GLP2R: variants seen among roughly 807,000 people sequenced by gnomAD.
GLP2R encodes the protein glucagon like peptide 2 receptor, also known as glucagon-like peptide 2 receptor.
Under a neutral mutation model 68.2 loss-of-function variants are expected in GLP2R, and 59 were observed. The observed-to-expected ratio is 0.87, with a 90% confidence interval of 0.70 to 1.07. GLP2R has a LOEUF of 1.07. GLP2R is among the 50% of genes least tolerant of loss of function. The pLI is 0.00. For synonymous variants in GLP2R, 270 were observed against 265.4 expected, an observed-to-expected ratio of 1.02 and a Z score of -0.17; for missense variants, 548 against 677.4, an observed-to-expected ratio of 0.81 and a Z score of 2.12.
intron 1 of GLP2R, among the ~76,000 whole-genome samples, chr17:9,828,301 C>T (rs1053984687): frequency 6.6e-6 from 1 of 152,238 alleles, no homozygotes; most frequent in Non-Finnish European, 1.5e-5. Context: ...AGGAAGGTGG[C>T]CCTGGCCTGC....
intron 4 of GLP2R, among the ~76,000 whole-genome samples, chr17:9,852,242 C>A (rs1393504588): frequency 2.6e-5 from 4 of 152,002 alleles, no homozygotes; most frequent in Non-Finnish European, 4.4e-5. Flanking sequence ...CCCTGACAGG[C>A]CCCCGTGTGT....
intron 2 of GLP2R, among the ~76,000 whole-genome samples, chr17:9,835,239 G>A (rs1369655028): frequency 6.6e-6 from 1 of 152,034 alleles, no homozygotes; most frequent in African/African-American, 2.4e-5. Flanking sequence ...ATGTTGGCCA[G>A]GATGGTCTCG....
chr17:9,863,907 T>G (rs1597393569), intron 9 of GLP2R, among the ~76,000 whole-genome samples: 1 of 152,158 alleles, frequency 6.6e-6, no homozygotes, highest in Non-Finnish European at 1.5e-5. Flanking sequence ...ACATATTCAG[T>G]GCACACTCAT....
intron 1 of GLP2R, among the ~76,000 whole-genome samples, chr17:9,827,944 G>T (rs1443603052): frequency 7.0e-6 from 1 of 142,924 alleles, no homozygotes; most frequent in East Asian, 2.1e-4. Context: ...CTGGGCAGTA[G>T]AGTGAGGATC....
At position 9,861,082 on chromosome 17, in the gene GLP2R, G is replaced by A. The variant is rs1597392192; in HGVS notation, c.926-57G>A. 19 of 1,230,888 alleles carry A rather than the reference G, an allele frequency of 1.5e-5. No individual in the cohort carries two copies. The East Asian group carries it at 4.4e-4, about 29-fold the overall frequency. The allele number at this position is 1,230,888 out of a possible 1,614,324, so 76.2% of individuals were successfully genotyped here. On this transcript the variant is annotated intron_variant, in intron 7 of 12. Transcript: ENST00000262441. ...GTTAGCCTCATCCGCTGTGGTGGGA[G>A]GCAAGCAGGTTTGGCCAACCAACTC...
chr17:9,889,415 C>T lies in GLP2R; in HGVS notation c.1372C>T (p.Arg458Cys), dbSNP rs748265296. The T allele has an allele frequency of 2.7e-5, 44 of 1,613,934 alleles. No individual in the cohort carries two copies. The highest frequency in any genetic ancestry group is 1.6e-4 in the Middle Eastern group (1 of 6,084). The change falls in exon 13 of 13, where the codon CGC becomes TGC. Residue 458 changes from arginine to cysteine, a missense_variant. Physicochemically the swap from Arg to Cys is radical, Grantham distance 180. Transcript: ENST00000262441. The part of the protein sequence containing the change: ...RKYWVRFLLA[R>C]HSGCRACVLG... ...ATACTGGGTCCGCTTCTTGCTAGCC[C>T]GCCACTCAGGCTGCAGAGCCTGTGT... is the stretch of plus-strand genomic sequence containing the variant.
At chr17:9,883,480 A>C (rs1425046826) in intron 11 of GLP2R, among the ~76,000 whole-genome samples, 2 of 152,176 alleles carry the variant, frequency 1.3e-5, no homozygotes, top group African/African-American at 4.8e-5. Flanking sequence ...AATTTGAAGA[A>C]AAATGTTAAT....
rs1030522746 is a variant in GLP2R at position 9,881,581 on chromosome 17, C to T, written c.1284+1065C>T. 8.8e-5 allele frequency among the ~76,000 whole-genome samples: 12 copies of T among 136,388 alleles called. 1 individual carries two copies. The highest frequency in any genetic ancestry group is 2.6e-4 in the African/African-American group (7 of 27,098). The allele number at this position is 136,388 out of a possible 152,430, so 89.5% of individuals were successfully genotyped here. A position where few individuals can be genotyped will look rare whatever the true frequency, so the allele number is the denominator to read the frequency against. On this transcript the variant is annotated intron_variant, in intron 11 of 12. Transcript: ENST00000262441. ...ATTTTTAGTAGAGACGGGGTTTCAC[C>T]GTTTTAGCCGGGATGGTCTCGATCT...
At chr17:9,869,996 G>A (rs111644235) in intron 9 of GLP2R, among the ~76,000 whole-genome samples, 10 of 152,300 alleles carry the variant, frequency 6.6e-5, no homozygotes, top group East Asian at 3.9e-4. Flanking sequence ...CATGACAGTC[G>A]TGGAATGTAT....
chr17:9,871,351 A>G (rs916989212), intron 10 of GLP2R, among the ~76,000 whole-genome samples: 14 of 152,080 alleles, frequency 9.2e-5, no homozygotes, highest in Non-Finnish European at 2.1e-4. Context: ...CTCAAAAAAA[A>G]AAAAAAAAAA....
chr17:9,858,776 G>A (rs1055100781), intron 6 of GLP2R, among the ~76,000 whole-genome samples: 1 of 152,000 alleles, frequency 6.6e-6, no homozygotes, highest in African/African-American at 2.4e-5. Flanking sequence ...TATTCTCTTT[G>A]GATCTTTTTC....
At chr17:9,826,276 T>C (rs776219798) in intron 1 of GLP2R, 24 bp downstream of exon 1, 1 of 1,502,694 alleles carries the variant, frequency 6.7e-7, no homozygotes, top group Admixed American at 2.3e-5. Flanking sequence ...ATTATTATTA[T>C]TATTATCAGT....
rs752139745 is a variant in GLP2R, at chr17:9,826,051, G to C, written c.-13G>C. 1 of 1,606,778 alleles carries C rather than the reference G, an allele frequency of 6.2e-7. No individual in the cohort carries two copies. The highest frequency in any genetic ancestry group is 8.5e-7 in the Non-Finnish European group (1 of 1,177,508). Reference sequence around the variant, plus strand: ...GAGAGATGTACCCCTACTTGTGAAGGTGCACGAGGAAGATGAAGCTGGGAT... The same window carrying C: ...GAGAGATGTACCCCTACTTGTGAAGCTGCACGAGGAAGATGAAGCTGGGAT... On this transcript the variant is annotated 5_prime_UTR_variant, in exon 1 of 13. Coordinates refer to ENST00000262441, the MANE Select transcript of GLP2R (RefSeq NM_004246.3).
At chr17:9,870,086 A>G (rs963747876) in intron 9 of GLP2R, among the ~76,000 whole-genome samples, 35 of 152,198 alleles carry the variant, frequency 2.3e-4, no homozygotes, top group African/African-American at 8.0e-4. Flanking sequence ...ATAGGGATGG[A>G]GTTCTTTACA....
At chr17:9,841,018 A>ATTT (rs10624268) in intron 3 of GLP2R, among the ~76,000 whole-genome samples, 45,727 of 138,758 alleles carry the variant, frequency 0.33, 8,157 homozygotes, top group East Asian at 0.6. Flanking sequence ...GGTGTGGCTA[A>ATTT]TTTTTTTTTT....
Position 9,889,951 on chromosome 17 carries a change from C to T in GLP2R, c.*246C>T, listed in dbSNP as rs115517660. On this transcript the variant is annotated 3_prime_UTR_variant, in exon 13 of 13. Coordinates refer to ENST00000262441, the MANE Select transcript of GLP2R (RefSeq NM_004246.3). Reference sequence around the variant, plus strand: ...CCACCAGTGTGTTTTCCACAATGCCCACCAGACCCTAGGGCCTGGCTCTAA... The same window carrying T: ...CCACCAGTGTGTTTTCCACAATGCCTACCAGACCCTAGGGCCTGGCTCTAA... 710 of 582,382 alleles carry T rather than the reference C, an allele frequency of 1.2e-3. 4 individuals are homozygous for T. The highest frequency in any genetic ancestry group is 0.012 in the African/African-American group (637 of 54,610). 36.1% of individuals were successfully genotyped at this position (582,382 alleles called of 1,614,324 possible). A position where few individuals can be genotyped will look rare whatever the true frequency, so the allele number is the denominator to read the frequency against.
At chr17:9,857,699 C>T (rs1300265316) in intron 6 of GLP2R, 123 bp downstream of exon 6, 1 of 941,180 alleles carries the variant, frequency 1.1e-6, no homozygotes, top group Non-Finnish European at 1.6e-6. Flanking sequence ...CCAAGACTTT[C>T]TGGCTAGAGA....
chr17:9,829,276 T>C (rs1442610282), intron 1 of GLP2R, among the ~76,000 whole-genome samples: 2 of 152,176 alleles, frequency 1.3e-5, no homozygotes, highest in African/African-American at 4.8e-5. Context: ...GCGGCCCTTT[T>C]ATACATGGAT....
intron 9 of GLP2R, chr17:9,866,100 C>T: frequency 3.0e-6 from 1 of 337,764 alleles, no homozygotes; most frequent in Non-Finnish European, 5.8e-6. Flanking sequence ...TTTATGTGTC[C>T]CACCAGACAT....
Sources: allele counts gnomAD v4.1 joint callset (sites outside exome capture counted in the v4.1 genomes callset), GRCh38; gene constraint gnomAD v4.1.1; transcripts MANE v1.5; gene names NCBI Gene and HGNC (gene_info 2026-07-23, HGNC 2026-07-21).